Variants in SPNS3 observed in about 807,000 individuals in gnomAD.
The protein encoded by SPNS3 is SPNS lysolipid transporter 3, sphingosine-1-phosphate (putative).
Under a neutral mutation model 54.4 loss-of-function variants are expected in SPNS3, and 51 were observed. The observed-to-expected ratio is 0.94, with a 90% CI of 0.75 to 1.18. SPNS3 has a LOEUF of 1.18. Ranked by LOEUF, SPNS3 falls within the 50% of genes most tolerant of loss-of-function variation. The pLI, the probability that SPNS3 is intolerant of heterozygous loss-of-function variation, is 0.00. For synonymous variants in SPNS3, 309 were observed against 294.7 expected (o/e 1.05, Z -0.50); for missense variants, 669 against 677.4 (o/e 0.99, Z 0.14).
At chr17:4,448,026 C>A in intron 5 of SPNS3, 129 bp from the exon 6 acceptor site, 1 of 874,242 alleles carries the variant, frequency 1.1e-6, no homozygotes, top group Non-Finnish European at 1.6e-6. Flanking sequence ...AATCAGGTCA[C>A]CCCCACTACC....
intron 8 of SPNS3, among the ~76,000 whole-genome samples, chr17:4,461,577 A>C (rs1004464597): frequency 6.6e-6 from 1 of 151,920 alleles, no homozygotes; most frequent in Non-Finnish European, 1.5e-5. Context: ...GAGAGGAGTG[A>C]GGAGGCTGTT....
intron 8 of SPNS3, among the ~76,000 whole-genome samples, chr17:4,472,613 T>A (rs1480288317): frequency 6.6e-6 from 1 of 152,116 alleles, no homozygotes; most frequent in Non-Finnish European, 1.5e-5. Flanking sequence ...TTCTCTGTTT[T>A]TCCTCTCCCC....
At position 4,448,122 on chromosome 17, in the gene SPNS3, G is replaced by A. The variant is rs199823280; in HGVS notation, c.622-33G>A. On this transcript the variant is annotated intron_variant, in intron 5 of 11. Coordinates refer to ENST00000355530, the MANE Select transcript of SPNS3 (RefSeq NM_182538.5). ...GGTCCCTTGGGCTGTGATAATATGC[G>A]GCCCTGAGCTTCCTGGGCCCTCCTG... is the stretch of plus-strand genomic sequence containing the variant. 70 of 1,544,648 alleles carry A rather than the reference G, an allele frequency of 4.5e-5. No individual in the cohort carries two copies. The East Asian group carries it at 1.2e-3, about 27-fold the overall frequency.
chr17:4,486,211 G>A lies in SPNS3; in HGVS notation c.1180-17G>A. ...CCCTCACTTGGGGTGCCCCCCTGCT[G>A]TGCCTATGTTTTGCAGTCTGTGGTG... On this transcript the variant is annotated splice_polypyrimidine_tract_variant and intron_variant, in intron 9 of 11. Coordinates refer to ENST00000355530, the MANE Select transcript of SPNS3 (RefSeq NM_182538.5). This position sits in a 1 kb window ranked among gnomAD's most constrained non-coding sequence, Gnocchi z 5.5. 2.6e-6 allele frequency: 4 copies of A among 1,525,018 alleles called. No homozygotes were observed. The highest frequency in any genetic ancestry group is 2.8e-5 in the African/African-American group (2 of 71,886). 94.5% of individuals were successfully genotyped at this position (1,525,018 alleles called of 1,614,324 possible). A position where few individuals can be genotyped will look rare whatever the true frequency, so the allele number is the denominator to read the frequency against.
chr17:4,476,664 T>C (rs1401828887), intron 8 of SPNS3, among the ~76,000 whole-genome samples: 2 of 152,134 alleles, frequency 1.3e-5, no homozygotes, highest in Non-Finnish European at 2.9e-5. Flanking sequence ...GGGCCCCGCC[T>C]GAGACCTGCC....
intron 8 of SPNS3, among the ~76,000 whole-genome samples, chr17:4,468,040 C>G (rs1971730984): frequency 6.6e-6 from 1 of 152,240 alleles, no homozygotes; most frequent in Non-Finnish European, 1.5e-5. Context: ...CAGGGGACTT[C>G]ATACAAAGTG....
chr17:4,458,643 T>TTCTTTCTTTCTTTCTC (rs1235442851), intron 8 of SPNS3, among the ~76,000 whole-genome samples: 38 of 144,792 alleles, frequency 2.6e-4, no homozygotes, highest in African/African-American at 9.7e-4. Flanking sequence ...CTTTCTTTCT[T>TTCTTTCTTTCTTTCTC]TCTTTCCTTC....
At chr17:4,468,721 T>TTTCTTTTCTTTC in intron 8 of SPNS3, among the ~76,000 whole-genome samples, 1 of 121,450 alleles carries the variant, frequency 8.2e-6, no homozygotes, top group Non-Finnish European at 1.7e-5. Context: ...TCTCTCTTTC[T>TTTCTTTTCTTTC]TTTCTTTCTT....
intron 8 of SPNS3, among the ~76,000 whole-genome samples, chr17:4,458,270 A>G (rs1017155525): frequency 2.6e-5 from 4 of 151,716 alleles, no homozygotes; most frequent in Non-Finnish European, 5.9e-5. Context: ...TGTTCTTCAC[A>G]CACTGCCAGA....
chr17:4,483,538 C>T lies in SPNS3; in HGVS notation c.1180-2690C>T, dbSNP rs2144237064. On this transcript the variant is annotated intron_variant, in intron 9 of 11. Transcript: ENST00000355530. This position sits in a 1 kb window ranked among gnomAD's most constrained non-coding sequence, Gnocchi z 4.2. ...GAGGAAGGGGCCAGCCTACCTGGAC[C>T]TAACTGTGGGGGTCCCAGCAGCCCC... The T allele has an allele frequency of 1.3e-5, 2 of 152,236 alleles. No homozygotes were observed. Among genetic ancestry groups the T allele is most frequent in the East Asian group, 3.9e-4 (2 of 5,190 alleles). The allele number at this position is 152,236 out of a possible 1,614,324, so 9.4% of individuals were successfully genotyped here. A position where few individuals can be genotyped will look rare whatever the true frequency, so the allele number is the denominator to read the frequency against.
intron 8 of SPNS3, among the ~76,000 whole-genome samples, chr17:4,477,738 T>C (rs902276534): frequency 6.6e-6 from 1 of 152,122 alleles, no homozygotes; most frequent in Admixed American, 6.5e-5. Flanking sequence ...TCGGTTTGAC[T>C]GTCCGCATGA....
chr17:4,484,148 C>T (rs1471752673), intron 9 of SPNS3, among the ~76,000 whole-genome samples: 2 of 152,210 alleles, frequency 1.3e-5, no homozygotes. Flanking sequence ...GCAATCCTCT[C>T]TCAGCCCTGT....
At chr17:4,441,458 G>A (rs1195712685) in intron 2 of SPNS3, among the ~76,000 whole-genome samples, 2 of 152,196 alleles carry the variant, frequency 1.3e-5, no homozygotes, top group African/African-American at 2.4e-5. Flanking sequence ...TCAATCTTGT[G>A]GCCAAGAGAC....
chr17:4,437,788 CTT>C (rs35523910), intron 1 of SPNS3, among the ~76,000 whole-genome samples: 77,581 of 143,892 alleles, frequency 0.54, 20,870 homozygotes, highest in Non-Finnish European at 0.56. Flanking sequence ...ACAAAGATTT[CTT>C]TTTTTTTTTT....
intron 8 of SPNS3, among the ~76,000 whole-genome samples, chr17:4,471,289 A>C (rs12601020): frequency 0.073 from 11,032 of 152,066 alleles, 383 homozygotes; most frequent in South Asian, 0.11. Context: ...AAGTAGATTC[A>C]ATGTTTGTTA....
intron 1 of SPNS3, among the ~76,000 whole-genome samples, chr17:4,434,559 C>T (rs912527164): frequency 1.3e-5 from 2 of 151,982 alleles, no homozygotes; most frequent in African/African-American, 4.8e-5. Context: ...TGTAGTGGCG[C>T]AATCTCAGCT....
chr17:4,447,108 A>G (rs1419534404), intron 5 of SPNS3, 146 bp downstream of exon 5: 3 of 813,814 alleles, frequency 3.7e-6, no homozygotes, highest in East Asian at 5.3e-5. Context: ...AGCTTTGGAC[A>G]TGTGGGGCCT....
At chr17:4,449,720 G>A (rs1971108205) in intron 7 of SPNS3, among the ~76,000 whole-genome samples, 1 of 152,040 alleles carries the variant, frequency 6.6e-6, no homozygotes, top group Admixed American at 6.6e-5. Flanking sequence ...AGGAGCCTTA[G>A]GCAGCCACCC....
At chr17:4,447,074 G>C (rs900631371) in intron 5 of SPNS3, 112 bp downstream of exon 5, 5 of 948,266 alleles carry the variant, frequency 5.3e-6, no homozygotes, top group African/African-American at 3.8e-5. Context: ...TTAGGGGGAC[G>C]GGGGGTGGTG....
Sources: allele counts gnomAD v4.1 joint callset (sites outside exome capture counted in the v4.1 genomes callset), GRCh38; gene constraint gnomAD v4.1.1; non-coding constraint Gnocchi (gnomAD v3.1); transcripts MANE v1.5; gene names NCBI Gene and HGNC (gene_info 2026-07-23, HGNC 2026-07-21).